The following FGD6 variants were observed in gnomAD, a reference collection of about 807,000 sequenced individuals.
FGD6 encodes the protein FYVE, RhoGEF and PH domain-containing protein 6.
FGD6 carries 90 observed loss-of-function variants against 149.4 expected under a neutral mutation model. That is an observed-to-expected ratio of 0.60 (90% CI 0.51 to 0.72). The LOEUF (loss-of-function observed/expected upper bound fraction) is 0.72. Ranked by LOEUF, FGD6 falls within the 30% of genes least tolerant of loss-of-function variation. The pLI, the probability that FGD6 is intolerant of heterozygous loss-of-function variation, is 0.00. For synonymous variants in FGD6, 527 were observed against 584.0 expected (o/e 0.90, Z 1.41); for missense variants, 1,437 against 1,684.8 (o/e 0.85, Z 2.57).
chr12:95,162,838 A>G (rs1880686886), intron 3 of FGD6, among the ~76,000 whole-genome samples: 1 of 152,126 alleles, frequency 6.6e-6, no homozygotes, highest in African/African-American at 2.4e-5. Flanking sequence ...GTCACCTTTT[A>G]TTATTACAAC....
intron 2 of FGD6, among the ~76,000 whole-genome samples, chr12:95,181,564 T>G (rs769796360): frequency 2.6e-5 from 4 of 152,240 alleles, no homozygotes; most frequent in African/African-American, 4.8e-5. Flanking sequence ...CAATTTTGCT[T>G]TCTTAGAATT....
Position 95,210,894 on chromosome 12 carries a change from C to G in FGD6, c.390G>C (p.Gln130His), listed in dbSNP as rs748748049. ...TCATTTCCAGGGGCTCTAAAACAAG[C>G]TGCTTTACACACAAATTCTCTCTAT... ...LGHRENLCVK[Q>H]LVLEPLEMNE... The change falls in exon 2 of 21, where the codon CAG becomes CAC. Residue 130 changes from glutamine to histidine, a missense_variant. Physicochemically the swap from Gln to His is conservative, Grantham distance 24 (BLOSUM62 0). Around this residue, in one of 2 missense-constraint regions of FGD6, gnomAD observed 1,055 missense variants for 1,146.0 expected, o/e 0.92. Coordinates refer to ENST00000343958, the MANE Select transcript of FGD6 (RefSeq NM_018351.4). 3 of 1,612,910 alleles carry G rather than the reference C, an allele frequency of 1.9e-6. No homozygotes were observed. The Admixed American group carries it at 5.0e-5, about 27-fold the overall frequency.
chr12:95,156,396 T>A (rs1313427117), intron 3 of FGD6, among the ~76,000 whole-genome samples: 1 of 152,138 alleles, frequency 6.6e-6, no homozygotes, highest in African/African-American at 2.4e-5. Context: ...GCTGTAGGGA[T>A]GAAATAAACC....
intron 3 of FGD6, among the ~76,000 whole-genome samples, chr12:95,156,102 C>G (rs752349897): frequency 6.6e-6 from 1 of 152,042 alleles, no homozygotes; most frequent in Non-Finnish European, 1.5e-5. Flanking sequence ...GTTAACTGCA[C>G]AAATTGTTTG....
At chr12:95,214,901 C>T (rs2056746432) in intron 1 of FGD6, among the ~76,000 whole-genome samples, 1 of 133,256 alleles carries the variant, frequency 7.5e-6, no homozygotes, top group African/African-American at 2.9e-5. Flanking sequence ...CTTGCTCTGT[C>T]ACCCAGGCTA....
At chr12:95,105,181 C>T in intron 13 of FGD6, 95 bp from the exon 14 acceptor site, 1 of 989,126 alleles carries the variant, frequency 1.0e-6, no homozygotes, top group Non-Finnish European at 1.6e-6. Flanking sequence ...CTTACATCCA[C>T]AACCAATCTT....
chr12:95,209,490 T>C lies in FGD6; in HGVS notation c.1794A>G (p.Leu598=). ...ATAACGATTTTGCTCTGGGCTTGGT[T>C]AGGGCTGTTGAAGGCTCACTGTTTG... is the stretch of plus-strand genomic sequence containing the variant. The part of the protein sequence containing the change: ...VSSNSEPSTA[L]TKPRAKSLSA... Residue 598 remains leucine (L), a synonymous_variant, in exon 2 of 21, where the codon CTA becomes CTG. Coordinates refer to ENST00000343958, the MANE Select transcript of FGD6 (RefSeq NM_018351.4). The C allele has an allele frequency of 6.2e-7, 1 of 1,613,364 alleles. No homozygotes were observed. Among genetic ancestry groups the C allele is most frequent in the African/African-American group, 1.3e-5 (1 of 75,030 alleles).
At chr12:95,193,809 A>T (rs923017486) in intron 2 of FGD6, among the ~76,000 whole-genome samples, 3 of 152,140 alleles carry the variant, frequency 2.0e-5, no homozygotes, top group Non-Finnish European at 2.9e-5. Context: ...GATTATAGGC[A>T]TGAGCCACCA....
At chr12:95,117,360 T>C (rs1002429641) in intron 8 of FGD6, among the ~76,000 whole-genome samples, 2 of 152,140 alleles carry the variant, frequency 1.3e-5, no homozygotes, top group African/African-American at 2.4e-5. Context: ...CCAACATGAG[T>C]AGCAAAAAAT....
chr12:95,170,842 A>T (rs574777275), intron 3 of FGD6, among the ~76,000 whole-genome samples: 1 of 152,342 alleles, frequency 6.6e-6, no homozygotes, highest in South Asian at 2.1e-4. Flanking sequence ...ATTACTTGAT[A>T]GTCAAAGTAA....
At chr12:95,118,348 CAAA>C (rs758125277) in intron 8 of FGD6, among the ~76,000 whole-genome samples, 1 of 122,276 alleles carries the variant, frequency 8.2e-6, no homozygotes, top group Non-Finnish European at 1.7e-5. Context: ...GACTCTGTCT[CAAA>C]AAAAAAAAAA....
At chr12:95,108,312 G>A (rs776407644) in intron 11 of FGD6, 36 bp downstream of exon 11, 42 of 1,577,636 alleles carry the variant, frequency 2.7e-5, no homozygotes, top group Admixed American at 5.1e-5. Context: ...TAAATGCATC[G>A]TATTAAGTTT....
In FGD6 at chr12:95,162,961, T is replaced by C. The variant is rs555686069; in HGVS notation, c.2586+9639A>G. 1.3e-4 allele frequency among the ~76,000 whole-genome samples: 20 copies of C among 152,314 alleles called. No homozygotes were observed. The South Asian group carries it at 4.1e-3, about 32-fold the overall frequency. On this transcript the variant is annotated intron_variant, in intron 3 of 20. Coordinates refer to ENST00000343958, the MANE Select transcript of FGD6 (RefSeq NM_018351.4). ...CTCACTATTACAGCAACCTAAAAGG[T>C]TTCCTTGGCTCTGTGTTTACCCCAC...
intron 1 of FGD6, among the ~76,000 whole-genome samples, chr12:95,213,344 C>G (rs1026296204): frequency 1.3e-5 from 2 of 152,058 alleles, no homozygotes; most frequent in South Asian, 4.2e-4. Context: ...CTTGGGAGGG[C>G]AAGGTGGGAG....
intron 18 of FGD6, 51 bp from the exon 19 acceptor site, chr12:95,085,959 C>G: frequency 6.5e-7 from 1 of 1,540,412 alleles, no homozygotes; most frequent in Non-Finnish European, 8.7e-7. Context: ...CAAATTATAA[C>G]AGCAAAATTA....
intron 2 of FGD6, among the ~76,000 whole-genome samples, chr12:95,179,714 T>C (rs984191436): frequency 3.3e-5 from 5 of 152,114 alleles, no homozygotes; most frequent in Non-Finnish European, 5.9e-5. Context: ...GAAGCAGTCT[T>C]AAAGGGATCT....
chr12:95,165,447 C>T (rs1880780918), intron 3 of FGD6, among the ~76,000 whole-genome samples: 1 of 151,800 alleles, frequency 6.6e-6, no homozygotes, highest in Admixed American at 6.6e-5. Flanking sequence ...GATTCTACTA[C>T]CTCAGCCTCC....
At chr12:95,199,889 A>G (rs1042520728) in intron 2 of FGD6, among the ~76,000 whole-genome samples, 12 of 152,168 alleles carry the variant, frequency 7.9e-5, no homozygotes, top group African/African-American at 2.9e-4. Flanking sequence ...ACAAAAAGCT[A>G]CATTTCTACA....
chr12:95,089,734 A>G lies in FGD6; in HGVS notation c.3851-38T>C, dbSNP rs756667307. ...AGGCATGCTTATGTAGGCAATGCTC[A>G]GCATTTTGCAATTCAATTTCATTCA... On this transcript the variant is annotated intron_variant, in intron 17 of 20. Coordinates refer to ENST00000343958, the MANE Select transcript of FGD6 (RefSeq NM_018351.4). 47 of 1,604,376 alleles carry G rather than the reference A, an allele frequency of 2.9e-5. No individual in the cohort carries two copies. The East Asian group carries it at 1.0e-3, about 34-fold the overall frequency.
Sources: gnomAD v4.1 joint callset for allele counts (sites outside exome capture counted in the v4.1 genomes callset) on GRCh38, gnomAD v4.1.1 for gene constraint, gnomAD v4.1.1 regional missense constraint, MANE v1.5 for transcripts, NCBI Gene and HGNC (gene_info 2026-07-23, HGNC 2026-07-21) for gene names.